BRAT1: variants seen among roughly 807,000 people sequenced by gnomAD.
BRAT1 encodes the protein BRCA1 associated ATM activator 1, also known as integrator complex assembly factor BRAT1.
A neutral mutation model predicts 70.6 loss-of-function variants in BRAT1; 74 were observed. That is an observed-to-expected ratio of 1.05 (90% CI 0.87 to 1.27). The LOEUF (loss-of-function observed/expected upper bound fraction) is 1.27. Among genes scored for constraint, BRAT1 ranks in the 50% most tolerant of loss-of-function variants. The probability of loss-of-function intolerance (pLI) is 0.00; values close to 1 mark genes in which losing one functional copy is unlikely to be tolerated. For synonymous variants in BRAT1, 615 were observed against 517.1 expected, an observed-to-expected ratio of 1.19 and a Z score of -2.57; for missense variants, 1,203 against 1,098.2, an observed-to-expected ratio of 1.10 and a Z score of -1.35.
At chr7:2,540,029 G>A (rs1265786117) in intron 10 of BRAT1, 141 bp from the exon 11 acceptor site, 4 of 608,856 alleles carry the variant, frequency 6.6e-6, no homozygotes, top group African/African-American at 3.8e-5. Context: ...GGAACGCTGG[G>A]CTTCCTTCTT....
In BRAT1 at chr7:2,550,467, C is replaced by CAA. The variant is rs71550358; in HGVS notation, c.128-2991_128-2990dup. On this transcript the variant is annotated intron_variant, in intron 2 of 13. Coordinates refer to ENST00000340611, the MANE Select transcript of BRAT1 (RefSeq NM_152743.4). ...TGGGCAATAGAGCAAGACTCCATCTCAAAAAAAAAAAAACAAAAAAAAAAA... is the reference window on the plus strand; with the variant it reads ...TGGGCAATAGAGCAAGACTCCATCTCAAAAAAAAAAAAAAACAAAAAAAAAAA... Among the ~76,000 whole-genome samples the CAA allele has an allele frequency of 6.6e-3, 214 of 32,478 alleles. 1 individual carries two copies. The highest frequency in any genetic ancestry group is 7.9e-3 in the Non-Finnish European group (138 of 17,488). The allele number at this position is 32,478 out of a possible 152,430, so 21.3% of individuals were successfully genotyped here. A position where few individuals can be genotyped will look rare whatever the true frequency, so the allele number is the denominator to read the frequency against.
At position 2,543,739 on chromosome 7, in the gene BRAT1, C is replaced by T. The variant is rs147160709; in HGVS notation, c.654G>A (p.Leu218=). ...GCCCGAAGGTCGTGGTCAGGACGTT[C>T]AGGGCCTGAGTGACCTTGGGGGTGG... ...SAATPKVTQA[L]NVLTTTFGRC... The change falls in exon 5 of 14, where the codon CTG becomes CTA. Residue 218 remains leucine (L), a synonymous_variant. Transcript: ENST00000340611. The surrounding 1 kb of genome is among the most constrained non-coding windows in gnomAD (Gnocchi z 5.5). 6.2e-7 allele frequency: 1 copy of T among 1,600,622 alleles called. No homozygotes were observed. Among genetic ancestry groups the T allele is most frequent in the Non-Finnish European group, 8.5e-7 (1 of 1,170,444 alleles).
intron 1 of BRAT1, 73 bp from the exon 2 acceptor site, chr7:2,554,520 C>A: frequency 6.7e-7 from 1 of 1,494,714 alleles, no homozygotes; most frequent in Non-Finnish European, 8.9e-7. Context: ...CAGCAGCCCA[C>A]CATGCCTGCT....
chr7:2,547,227 T>G (rs1779680964), intron 3 of BRAT1, 97 bp downstream of exon 3: 5 of 1,488,242 alleles, frequency 3.4e-6, no homozygotes, highest in Non-Finnish European at 4.6e-6. Flanking sequence ...CCGCTGGGAC[T>G]TGGGATGGTG....
At position 2,541,037 on chromosome 7, in the gene BRAT1, A is replaced by C; in HGVS notation, c.1337T>G (p.Val446Gly). The C allele has an allele frequency of 6.4e-7, 1 of 1,570,600 alleles. No individual in the cohort carries two copies. Among genetic ancestry groups the C allele is most frequent in the Non-Finnish European group, 8.6e-7 (1 of 1,167,654 alleles). ...LSQGTGPQEL[V>G]TQALAVLLEC... ...CAGGAGGACAGCAAGCGCCTGCGTC[A>C]CCAGCTCCTGGGGGCCTGAGACAGA... is the stretch of plus-strand genomic sequence containing the variant. The change falls in exon 10 of 14, where the codon GTG becomes GGG. Residue 446 changes from valine (V) to glycine (G), a missense_variant. Physicochemically the swap from Val to Gly is moderately radical, Grantham distance 109. Coordinates refer to ENST00000340611, the MANE Select transcript of BRAT1 (RefSeq NM_152743.4).
At position 2,543,177 on chromosome 7, in the gene BRAT1, C is replaced by A. The variant is rs201838403; in HGVS notation, c.923+27G>T. On this transcript the variant is annotated intron_variant, in intron 6 of 13. Transcript: ENST00000340611. The surrounding 1 kb of genome is among the most constrained non-coding windows in gnomAD (Gnocchi z 5.5). ...CTGCCCCAGCTCCCAGCACCCGCCTCGGAATGAAATGCACCCCAGACCATA... is the reference window on the plus strand; with the variant it reads ...CTGCCCCAGCTCCCAGCACCCGCCTAGGAATGAAATGCACCCCAGACCATA... The A allele has an allele frequency of 5.2e-6, 8 of 1,536,396 alleles. No individual in the cohort carries two copies. In the African/African-American group the frequency reaches 1.1e-4, roughly 22 times the overall value.
intron 11 of BRAT1, 61 bp from the exon 12 acceptor site, chr7:2,539,703 C>T (rs1343069372): frequency 1.3e-6 from 2 of 1,548,756 alleles, no homozygotes; most frequent in East Asian, 4.8e-5. Context: ...GCCCTCAGAG[C>T]CAGCTGAGCC....
rs1488916734 is a variant in BRAT1, at chr7:2,539,225, T to C, written c.1724A>G (p.Gln575Arg). 1 of 1,610,888 alleles carries C rather than the reference T, an allele frequency of 6.2e-7. No individual in the cohort carries two copies. Among genetic ancestry groups the C allele is most frequent in the East Asian group, 2.2e-5 (1 of 44,874 alleles). ...AVTAMGQLSS[Q>R]GLHAPTSPEH... ...AGGGCTGGTGGGGGCGTGCAGGCCCTGGCTGGACAGCTGCCCCATGGCGGT... is the reference window on the plus strand; with the variant it reads ...AGGGCTGGTGGGGGCGTGCAGGCCCCGGCTGGACAGCTGCCCCATGGCGGT... Residue 575 changes from glutamine (Q) to arginine (R), a missense_variant, in exon 13 of 14, where the codon CAG (glutamine) becomes CGG (arginine). Coordinates refer to ENST00000340611, the MANE Select transcript of BRAT1 (RefSeq NM_152743.4).
In BRAT1 at chr7:2,543,049, C is replaced by T. The variant is rs754151675; in HGVS notation, c.923+155G>A. ...GCTAAAGAACCTTCAGAAGCTGCCG[C>T]GCGCAACCCACGCACCACCCAGTCA... is the stretch of plus-strand genomic sequence containing the variant. On this transcript the variant is annotated intron_variant, in intron 6 of 13. Coordinates refer to ENST00000340611, the MANE Select transcript of BRAT1 (RefSeq NM_152743.4). The surrounding 1 kb of genome is among the most constrained non-coding windows in gnomAD (Gnocchi z 5.5). The T allele has an allele frequency of 6.3e-5, 56 of 887,694 alleles. No individual in the cohort carries two copies. Among genetic ancestry groups the T allele is most frequent in the Non-Finnish European group, 8.8e-5 (53 of 600,422 alleles). 55.0% of individuals were successfully genotyped at this position (887,694 alleles called of 1,614,324 possible). A position where few individuals can be genotyped will look rare whatever the true frequency, so the allele number is the denominator to read the frequency against.
At chr7:2,553,256 C>G (rs1780170341) in intron 2 of BRAT1, among the ~76,000 whole-genome samples, 1 of 152,136 alleles carries the variant, frequency 6.6e-6, no homozygotes, top group Non-Finnish European at 1.5e-5. Flanking sequence ...GTTTCGAACT[C>G]CTGACTTCAA....
In BRAT1 at chr7:2,538,147, T is replaced by TC; in HGVS notation, c.2387_2388insG (p.Ser798GlufsTer81). On this transcript the variant is annotated frameshift_variant, in exon 14 of 14. Transcript: ENST00000340611. LOFTEE classifies it high-confidence loss of function. ...CCTGCAGGAGGGACTGGGGACTCTT[T>TC]TCCACGTGGTCGCTGCTCTCGGCCA... 1 of 1,607,846 alleles carries TC rather than the reference T, an allele frequency of 6.2e-7. No individual in the cohort carries two copies. The highest frequency in any genetic ancestry group is 8.5e-7 in the Non-Finnish European group (1 of 1,176,292).
At chr7:2,549,222 A>G (rs1779824877) in intron 2 of BRAT1, among the ~76,000 whole-genome samples, 1 of 151,844 alleles carries the variant, frequency 6.6e-6, no homozygotes, top group Non-Finnish European at 1.5e-5. Flanking sequence ...AACACAAATA[A>G]GCCTGTGGTC....
Position 2,538,422 on chromosome 7 carries a change from A to T in BRAT1, c.2113T>A (p.Phe705Ile). The T allele has an allele frequency of 6.2e-7, 1 of 1,613,432 alleles. No homozygotes were observed. The highest frequency in any genetic ancestry group is 8.5e-7 in the Non-Finnish European group (1 of 1,179,952). ...CGGTCGCAGTCAAACAAGGCACAAA[A>T]GGCGAAGTCAAAGAGCCCCACGTGG... ...LCHVGLFDFA[F>I]CALFDCDRPV... The change falls in exon 14 of 14, where the codon TTT becomes ATT. Residue 705 changes from phenylalanine to isoleucine, a missense_variant. Phe to Ile is a conservative substitution (Grantham distance 21, BLOSUM62 0). Coordinates refer to ENST00000340611, the MANE Select transcript of BRAT1 (RefSeq NM_152743.4).
intron 2 of BRAT1, among the ~76,000 whole-genome samples, chr7:2,547,832 C>T (rs1334546295): frequency 1.3e-5 from 2 of 152,146 alleles, no homozygotes; most frequent in Non-Finnish European, 2.9e-5. Flanking sequence ...GCCTGTAATC[C>T]CAACACGTTA....
chr7:2,549,586 G>A (rs1296076987), intron 2 of BRAT1, among the ~76,000 whole-genome samples: 3 of 151,712 alleles, frequency 2.0e-5, no homozygotes, highest in Non-Finnish European at 2.9e-5. Context: ...AAGGCACAAA[G>A]GTAAGGCACA....
intron 2 of BRAT1, among the ~76,000 whole-genome samples, chr7:2,549,054 T>G (rs187085101): frequency 2.0e-4 from 31 of 152,288 alleles, no homozygotes; most frequent in African/African-American, 6.5e-4. Context: ...AAAACAGAAT[T>G]AAAATACTAA....
At chr7:2,540,137 G>T in intron 10 of BRAT1, 1 of 459,426 alleles carries the variant, frequency 2.2e-6, no homozygotes, top group Non-Finnish European at 3.8e-6. Context: ...TCCTGCCTCA[G>T]CCTCATGAGT....
rs765341216 is a variant in BRAT1, at chr7:2,542,223, CGCGAGGTGAGTGCCGCGACCCTGGCT to C, written c.924-38_924-13del. ...TCAGTGCCTGTGGACTGGAGACAAA[CGCGAGGTGAGTGCCGCGACCCTGGCT>C]GCGAGACAAGTTGGCTGTGCTCCTA... On this transcript the variant is annotated splice_polypyrimidine_tract_variant and intron_variant, in intron 6 of 13. Coordinates refer to ENST00000340611, the MANE Select transcript of BRAT1 (RefSeq NM_152743.4). 7.7e-6 allele frequency: 12 copies of C among 1,553,100 alleles called. No individual in the cohort carries two copies. The highest frequency in any genetic ancestry group is 4.1e-5 in the African/African-American group (3 of 73,266).
Position 2,540,986 on chromosome 7 carries a change from C to A in BRAT1, c.1388G>T (p.Ser463Ile). ...CTATCCCCACCACCGTACCGTGGGG[C>A]TGGAGCCGGGGCTCTCGAGGCACTC... is the stretch of plus-strand genomic sequence containing the variant. The part of the protein sequence containing the change: ...LLECLESPGS[S>I]PTVLKKAFQA... Residue 463 changes from serine (S) to isoleucine (I), a missense_variant, in exon 10 of 14, where the codon AGC (serine) becomes ATC (isoleucine). Transcript: ENST00000340611. 3 of 1,550,994 alleles carry A rather than the reference C, an allele frequency of 1.9e-6. No individual in the cohort carries two copies. Among genetic ancestry groups the A allele is most frequent in the Non-Finnish European group, 2.6e-6 (3 of 1,160,394 alleles).
Sources: gnomAD v4.1 joint callset for allele counts (sites outside exome capture counted in the v4.1 genomes callset) on GRCh38, gnomAD v4.1.1 for gene constraint, Gnocchi (gnomAD v3.1) non-coding constraint, MANE v1.5 for transcripts, NCBI Gene and HGNC (gene_info 2026-07-23, HGNC 2026-07-21) for gene names.